RAB17: variants seen among roughly 807,000 people sequenced by gnomAD.
RAB17 encodes the protein ras-related protein Rab-17.
Under a neutral mutation model 19.3 loss-of-function variants are expected in RAB17, and 15 were observed. The observed-to-expected ratio is 0.78, with a 90% confidence interval of 0.52 to 1.20. The LOEUF (loss-of-function observed/expected upper bound fraction) is 1.20, where lower values mean the gene tolerates loss of function less well. Ranked by LOEUF, RAB17 falls within the 50% of genes most tolerant of loss-of-function variation. The pLI, the probability that RAB17 is intolerant of heterozygous loss-of-function variation, is 0.00. For synonymous variants in RAB17, 110 were observed against 112.8 expected (o/e 0.97, Z 0.16); for missense variants, 262 against 269.3 (o/e 0.97, Z 0.19).
Position 237,574,854 on chromosome 2 carries a change from A to T in RAB17, c.*165T>A. 1.2e-6 allele frequency: 1 copy of T among 805,134 alleles called. No individual in the cohort carries two copies. The highest frequency in any genetic ancestry group is 1.9e-6 in the Non-Finnish European group (1 of 537,566). 49.9% of individuals were successfully genotyped at this position (805,134 alleles called of 1,614,324 possible). ...ATGTGACGCCAGATCTTCCTCTGGCAGTTCCCACTGGCTGTGGGAAGTGGT... is the reference window on the plus strand; with the variant it reads ...ATGTGACGCCAGATCTTCCTCTGGCTGTTCCCACTGGCTGTGGGAAGTGGT... On this transcript the variant is annotated 3_prime_UTR_variant, in exon 6 of 6. Coordinates refer to ENST00000264601, the MANE Select transcript of RAB17 (RefSeq NM_022449.4).
intron 2 of RAB17, among the ~76,000 whole-genome samples, chr2:237,581,011 C>T (rs1202468342): frequency 6.6e-6 from 1 of 152,206 alleles, no homozygotes; most frequent in African/African-American, 2.4e-5. Context: ...CGGAAGACAG[C>T]ATGCATTTAT....
chr2:237,575,116 A>G lies in RAB17; in HGVS notation c.542T>C (p.Leu181Pro), dbSNP rs751318867. 1 of 1,613,228 alleles carries G rather than the reference A, an allele frequency of 6.2e-7. No homozygotes were observed. Among genetic ancestry groups the G allele is most frequent in the Admixed American group, 1.7e-5 (1 of 59,982 alleles). ...EVFNTVAQEL[L>P]QRSDEEGQAL... Reference sequence around the variant, plus strand: ...CTGGCCCTCCTCGTCGCTTCTCTGCAGTAGCTCTTGGGCTGTGAACAGCAA... The same window carrying G: ...CTGGCCCTCCTCGTCGCTTCTCTGCGGTAGCTCTTGGGCTGTGAACAGCAA... Residue 181 changes from leucine (L) to proline (P), a missense_variant, in exon 6 of 6, where the codon CTG (leucine) becomes CCG (proline). Physicochemically the swap from Leu to Pro is moderately conservative, Grantham distance 98 (BLOSUM62 -3). Transcript: ENST00000264601.
Position 237,574,852 on chromosome 2 carries a change from G to A in RAB17, c.*167C>T. ...CCATGTGACGCCAGATCTTCCTCTG[G>A]CAGTTCCCACTGGCTGTGGGAAGTG... On this transcript the variant is annotated 3_prime_UTR_variant, in exon 6 of 6. Coordinates refer to ENST00000264601, the MANE Select transcript of RAB17 (RefSeq NM_022449.4). 1 of 809,882 alleles carries A rather than the reference G, an allele frequency of 1.2e-6. No homozygotes were observed. Among genetic ancestry groups the A allele is most frequent in the Non-Finnish European group, 1.8e-6 (1 of 541,870 alleles). The allele number at this position is 809,882 out of a possible 1,614,324, so 50.2% of individuals were successfully genotyped here.
chr2:237,577,547 C>T (rs899367028), intron 3 of RAB17, 165 bp from the exon 4 acceptor site: 21 of 736,704 alleles, frequency 2.9e-5, no homozygotes, highest in Middle Eastern at 7.8e-4. Flanking sequence ...GAGGAGGGCA[C>T]GTTCCTGTCC....
intron 2 of RAB17, among the ~76,000 whole-genome samples, chr2:237,581,673 T>C (rs1008395342): frequency 2.6e-5 from 4 of 152,322 alleles, no homozygotes; most frequent in Admixed American, 6.5e-5. Flanking sequence ...TTTGTAAAAA[T>C]AGTGAGCTGA....
At chr2:237,585,846 C>A in intron 2 of RAB17, 152 bp downstream of exon 2, 1 of 734,208 alleles carries the variant, frequency 1.4e-6, no homozygotes. Flanking sequence ...TCTTGGACCT[C>A]ACCCCCTCCC....
rs1394200475 is a variant in RAB17 at position 237,589,265 on chromosome 2, AAAG to A, written c.-4+1199_-4+1201del. On this transcript the variant is annotated intron_variant, in intron 1 of 5. Coordinates refer to ENST00000264601, the MANE Select transcript of RAB17 (RefSeq NM_022449.4). ...CTATAAACATACAAGTGTCAATATA[AAAG>A]AAGCAGCTACCCATAACTCCACCCC... Among the ~76,000 whole-genome samples the A allele has an allele frequency of 4.6e-5, 7 of 152,048 alleles. No individual in the cohort carries two copies. In the East Asian group the frequency reaches 7.7e-4, roughly 17 times the overall value.
intron 1 of RAB17, among the ~76,000 whole-genome samples, chr2:237,587,692 A>C: frequency 6.6e-6 from 1 of 152,174 alleles, no homozygotes; most frequent in East Asian, 1.9e-4. Context: ...GAAGGGTTCC[A>C]CATAGTAGAC....
chr2:237,585,972 CA>C (rs1247151847), intron 2 of RAB17, 25 bp downstream of exon 2: 1 of 1,570,196 alleles, frequency 6.4e-7, no homozygotes, highest in Admixed American at 1.8e-5. Context: ...TGAAGACCAA[CA>C]AAGGGGTGCT....
intron 2 of RAB17, among the ~76,000 whole-genome samples, chr2:237,584,493 G>A (rs528438445): frequency 2.0e-5 from 3 of 151,798 alleles, no homozygotes; most frequent in South Asian, 4.2e-4. Context: ...GTGAATAGAG[G>A]AGGAGGAACA....
In RAB17 at chr2:237,574,868, G is replaced by A. The variant is rs1198145522; in HGVS notation, c.*151C>T. The stretch of plus-strand genomic sequence containing the variant: ...CTTCCTCTGGCAGTTCCCACTGGCT[G>A]TGGGAAGTGGTTTTCATAAAGGGGG... On this transcript the variant is annotated 3_prime_UTR_variant, in exon 6 of 6. Coordinates refer to ENST00000264601, the MANE Select transcript of RAB17 (RefSeq NM_022449.4). The A allele has an allele frequency of 1.2e-6, 1 of 812,648 alleles. No homozygotes were observed. Among genetic ancestry groups the A allele is most frequent in the Non-Finnish European group, 1.8e-6 (1 of 544,274 alleles). The allele number at this position is 812,648 out of a possible 1,614,324, so 50.3% of individuals were successfully genotyped here.
At chr2:237,580,762 G>T (rs533559791) in intron 2 of RAB17, among the ~76,000 whole-genome samples, 3 of 152,028 alleles carry the variant, frequency 2.0e-5, no homozygotes, top group African/African-American at 7.2e-5. Flanking sequence ...AGAAGGGGGG[G>T]GAGGAGGGGA....
chr2:237,585,885 GTCC>G (rs1395928558), intron 2 of RAB17, 110 bp downstream of exon 2: 17 of 1,181,168 alleles, frequency 1.4e-5, no homozygotes, highest in Non-Finnish European at 2.0e-5. Context: ...GCAGCTCAAG[GTCC>G]CAGCATGGGG....
In RAB17 at chr2:237,575,047, G is replaced by A. The variant is rs201004899; in HGVS notation, c.611C>T (p.Ala204Val). 2.8e-4 allele frequency: 453 copies of A among 1,613,202 alleles called. 1 individual carries two copies. The highest frequency in any genetic ancestry group is 9.9e-4 in the Middle Eastern group (6 of 6,044). Residue 204 changes from alanine (A) to valine (V), a missense_variant, in exon 6 of 6, where the codon GCG becomes GTG. Coordinates refer to ENST00000264601, the MANE Select transcript of RAB17 (RefSeq NM_022449.4). Reference sequence around the variant, plus strand: ...GTGGGCGCAGCATTTGGCCTGCCTCGCGGGCCCCTTGTTCAGAGCCACAGC... The same window carrying A: ...GTGGGCGCAGCATTTGGCCTGCCTCACGGGCCCCTTGTTCAGAGCCACAGC... ...DAAVALNKGP[A>V]RQAKCCAH
intron 2 of RAB17, among the ~76,000 whole-genome samples, chr2:237,585,723 T>C (rs2081344519): frequency 6.6e-6 from 1 of 152,170 alleles, no homozygotes; most frequent in Admixed American, 6.5e-5. Context: ...AGCCCGACCC[T>C]TTGGGGCCAG....
chr2:237,577,251 C>T lies in RAB17; in HGVS notation c.435+6G>A, dbSNP rs377276338. On this transcript the variant is annotated splice_donor_region_variant and intron_variant, in intron 4 of 5. Coordinates refer to ENST00000264601, the MANE Select transcript of RAB17 (RefSeq NM_022449.4). ...GAAGAGCAGAGCAGGGTCTCCTGGGCGGTACCTGGAAGGTCACCTCCCGCT... is the reference window on the plus strand; with the variant it reads ...GAAGAGCAGAGCAGGGTCTCCTGGGTGGTACCTGGAAGGTCACCTCCCGCT... 13 of 1,610,458 alleles carry T rather than the reference C, an allele frequency of 8.1e-6. No homozygotes were observed. In the East Asian group the frequency reaches 1.6e-4, roughly 19 times the overall value.
chr2:237,579,913 C>T (rs922123125), intron 2 of RAB17, among the ~76,000 whole-genome samples: 2 of 152,200 alleles, frequency 1.3e-5, no homozygotes, highest in Non-Finnish European at 2.9e-5. Context: ...AGACCAACTC[C>T]CCAGGTCAAA....
chr2:237,589,261 T>C (rs2081374405), intron 1 of RAB17, among the ~76,000 whole-genome samples: 1 of 150,502 alleles, frequency 6.6e-6, no homozygotes, highest in Non-Finnish European at 1.5e-5. Flanking sequence ...CAAGTGTCAA[T>C]ATAAAAGAAG....
intron 1 of RAB17, among the ~76,000 whole-genome samples, chr2:237,588,898 A>G (rs2081370832): frequency 2.0e-5 from 3 of 152,196 alleles, no homozygotes; most frequent in Non-Finnish European, 2.9e-5. Context: ...CATTCCTTTG[A>G]CAATGATATG....
Sources: allele counts gnomAD v4.1 joint callset (sites outside exome capture counted in the v4.1 genomes callset), GRCh38; gene constraint gnomAD v4.1.1; transcripts MANE v1.5; gene names NCBI Gene and HGNC (gene_info 2026-07-23, HGNC 2026-07-21).